The following OTUD7B variants were observed in gnomAD, a reference collection of about 807,000 sequenced individuals.
The protein encoded by OTUD7B is OTU deubiquitinase 7B.
In OTUD7B, 34 loss-of-function variants were observed where a neutral mutation model predicts 82.2. The observed-to-expected ratio is 0.41, with a 90% CI of 0.31 to 0.55. The LOEUF (loss-of-function observed/expected upper bound fraction) is 0.55, where lower values mean the gene tolerates loss of function less well. Ranked by LOEUF, OTUD7B falls within the 20% of genes least tolerant of loss-of-function variation. The pLI is 0.20. For synonymous variants in OTUD7B, 398 were observed against 402.7 expected, an observed-to-expected ratio of 0.99 and a Z score of 0.14; for missense variants, 944 against 1,062.1, an observed-to-expected ratio of 0.89 and a Z score of 1.55.
At chr1:150,001,455 AG>A (rs1652274981) in intron 1 of OTUD7B, among the ~76,000 whole-genome samples, 1 of 152,208 alleles carries the variant, frequency 6.6e-6, no homozygotes. Flanking sequence ...GGGTAGAGTG[AG>A]GACTGACAAA....
chr1:150,005,613 T>C lies in OTUD7B; in HGVS notation c.-67+4835A>G, dbSNP rs782059144. Among the ~76,000 whole-genome samples the C allele has an allele frequency of 2.6e-5, 4 of 151,370 alleles. No homozygotes were observed. The South Asian group carries it at 6.3e-4, about 24-fold the overall frequency. ...AGAAGAAAAAAAAGGGATGAAAGAA[T>C]GGCATGTGATTTTGTTTACTTCTTA... On this transcript the variant is annotated intron_variant, in intron 1 of 11. Coordinates refer to ENST00000581312, the MANE Select transcript of OTUD7B (RefSeq NM_020205.4).
At chr1:149,968,823 G>A (rs1165782915) in intron 3 of OTUD7B, among the ~76,000 whole-genome samples, 1 of 152,088 alleles carries the variant, frequency 6.6e-6, no homozygotes, top group African/African-American at 2.4e-5. Context: ...GGATTCTCCT[G>A]CCTCAGCCTT....
At position 149,956,036 on chromosome 1, in the gene OTUD7B, T is replaced by C. The variant is rs147550954; in HGVS notation, c.845+3648A>G. ...AATTGGAGCATTTAGCCCATTTACATTTAAGGTTAATACTGTTATGTGTGA... is the reference window on the plus strand; with the variant it reads ...AATTGGAGCATTTAGCCCATTTACACTTAAGGTTAATACTGTTATGTGTGA... On this transcript the variant is annotated intron_variant, in intron 7 of 11. Transcript: ENST00000581312. Among the ~76,000 whole-genome samples, 307 of 152,328 alleles carry C rather than the reference T, an allele frequency of 2.0e-3. 2 individuals are homozygous for C. The highest frequency in any genetic ancestry group is 6.8e-3 in the African/African-American group (284 of 41,574).
intron 7 of OTUD7B, among the ~76,000 whole-genome samples, chr1:149,950,937 A>G (rs1553773299): frequency 2.5e-5 from 3 of 118,514 alleles, no homozygotes; most frequent in Non-Finnish European, 3.4e-5. Context: ...GACTACAGGC[A>G]CCCGCCACCT....
At chr1:149,986,610 T>C (rs1343853982) in intron 1 of OTUD7B, among the ~76,000 whole-genome samples, 4 of 152,206 alleles carry the variant, frequency 2.6e-5, no homozygotes, top group African/African-American at 4.8e-5. Context: ...ACTGAAGCAT[T>C]AGAGCTGCAT....
At chr1:150,063,572 C>T in the OTUD7B span, among the ~76,000 whole-genome samples, 1 of 152,118 alleles carries the variant, frequency 6.6e-6, no homozygotes, top group African/African-American at 2.4e-5. Flanking sequence ...AATTCAGGAT[C>T]GTTATTTTAA....
chr1:149,943,469 A>C lies in OTUD7B; in HGVS notation c.*388T>G, dbSNP rs1457816719. 3 of 187,324 alleles carry C rather than the reference A, an allele frequency of 1.6e-5. No individual in the cohort carries two copies. Among genetic ancestry groups the C allele is most frequent in the African/African-American group, 7.1e-5 (3 of 42,528 alleles). 11.6% of individuals were successfully genotyped at this position (187,324 alleles called of 1,614,324 possible). ...AACCTAAAGAACTTTGGTTTTATTG[A>C]CTGAGAACCTCCTTTGCCCATTCCT... On this transcript the variant is annotated 3_prime_UTR_variant, in exon 12 of 12. Transcript: ENST00000581312.
upstream of OTUD7B, among the ~76,000 whole-genome samples, chr1:150,015,272 AT>A (rs1162320306): frequency 6.3e-4 from 35 of 55,242 alleles, no homozygotes; most frequent in East Asian, 2.7e-3. Context: ...TGGTTCCTAA[AT>A]TTCTTTTTTT....
the OTUD7B span, among the ~76,000 whole-genome samples, chr1:150,044,152 A>C: frequency 2.0e-5 from 3 of 152,072 alleles, no homozygotes; most frequent in South Asian, 6.2e-4. Context: ...TGGTCTGAGT[A>C]AATAAAATCT....
chr1:150,016,727 C>T, the OTUD7B span, among the ~76,000 whole-genome samples: 2 of 152,182 alleles, frequency 1.3e-5, no homozygotes, highest in Admixed American at 1.3e-4. Flanking sequence ...GCTGAGATTA[C>T]AGGAGTAAGC....
chr1:149,957,159 A>G (rs921918554), intron 7 of OTUD7B, among the ~76,000 whole-genome samples: 11 of 148,470 alleles, frequency 7.4e-5, no homozygotes, highest in African/African-American at 2.9e-4. Context: ...GTTTCTCCCC[A>G]TCTTTGTGGT....
At chr1:150,062,753 C>G in the OTUD7B span, among the ~76,000 whole-genome samples, 1 of 108,650 alleles carries the variant, frequency 9.2e-6, no homozygotes, top group Non-Finnish European at 1.7e-5. Context: ...ACTCTTGTTG[C>G]CCAGGCTGGA....
chr1:150,020,664 G>A, the OTUD7B span, among the ~76,000 whole-genome samples: 1 of 152,186 alleles, frequency 6.6e-6, no homozygotes, highest in East Asian at 1.9e-4. Flanking sequence ...TGAGACTAGA[G>A]ACTATTAACA....
chr1:150,041,757 C>CT, the OTUD7B span, among the ~76,000 whole-genome samples: 1 of 152,052 alleles, frequency 6.6e-6, no homozygotes, highest in African/African-American at 2.4e-5. Context: ...TTGAGTGTGC[C>CT]TTTTATTGTT....
chr1:150,045,417 G>C, the OTUD7B span, among the ~76,000 whole-genome samples: 3 of 151,782 alleles, frequency 2.0e-5, no homozygotes, highest in African/African-American at 7.3e-5. Context: ...GGAGGTGCTG[G>C]GGATTGACCC....
the OTUD7B span, chr1:150,054,041 T>A: frequency 5.7e-6 from 2 of 352,692 alleles, no homozygotes; most frequent in Admixed American, 7.2e-5. Context: ...ATATTCTCCA[T>A]CTGCTATGTA....
At position 149,964,202 on chromosome 1, in the gene OTUD7B, T is replaced by C; in HGVS notation, c.732+20A>G. 2 of 1,608,686 alleles carry C rather than the reference T, an allele frequency of 1.2e-6. No individual in the cohort carries two copies. Among genetic ancestry groups the C allele is most frequent in the Non-Finnish European group, 1.7e-6 (2 of 1,179,724 alleles). On this transcript the variant is annotated intron_variant, in intron 6 of 11. Transcript: ENST00000581312. ...TTGGTAACTTTAGGAAACAAGGCGC[T>C]CCCACCCACGCTCTCCCACCTCTTT... is the stretch of plus-strand genomic sequence containing the variant.
chr1:150,053,487 C>G, the OTUD7B span, among the ~76,000 whole-genome samples: 1 of 151,706 alleles, frequency 6.6e-6, no homozygotes, highest in Admixed American at 6.6e-5. Flanking sequence ...ACTTCTGCCT[C>G]TTGGGTTCAA....
chr1:150,013,432 A>C (rs1406881930), upstream of OTUD7B, among the ~76,000 whole-genome samples: 5 of 152,178 alleles, frequency 3.3e-5, no homozygotes, highest in Non-Finnish European at 7.4e-5. Context: ...GAAAAAAACT[A>C]TTTACATTTA....
Sources: allele counts gnomAD v4.1 joint callset (sites outside exome capture counted in the v4.1 genomes callset), GRCh38; gene constraint gnomAD v4.1.1; transcripts MANE v1.5; gene names NCBI Gene and HGNC (gene_info 2026-07-23, HGNC 2026-07-21).